The following CDC37L1 variants were observed in gnomAD, a reference collection of about 807,000 sequenced individuals.
CDC37L1 encodes the protein hsp90 co-chaperone Cdc37-like 1.
Under a neutral mutation model 45.9 loss-of-function variants are expected in CDC37L1, and 32 were observed. The observed-to-expected ratio is 0.70, with a 90% confidence interval of 0.53 to 0.94. The LOEUF (loss-of-function observed/expected upper bound fraction) is 0.94. CDC37L1 is among the 40% of genes least tolerant of loss of function. The pLI is 0.00. For missense variants in CDC37L1, 434 were observed against 405.7 expected, an observed-to-expected ratio of 1.07 and a Z score of -0.60; for synonymous variants, 150 against 133.0, an observed-to-expected ratio of 1.13 and a Z score of -0.88.
In CDC37L1 at chr9:4,697,765, T is replaced by C; in HGVS notation, c.633T>C (p.Ala211=). The change falls in exon 5 of 7, where the codon GCT becomes GCC. Residue 211 remains alanine, a synonymous_variant. Coordinates refer to ENST00000381854, the MANE Select transcript of CDC37L1 (RefSeq NM_017913.4). ...ATTTAAATCTTTTTCAGAAAGGGGC[T>C]TTAATGGAACAAATAGCACATCAAG... ...CFHLEAEKKG[A]LMEQIAHQAV... 1 of 1,491,816 alleles carries C rather than the reference T, an allele frequency of 6.7e-7. No individual in the cohort carries two copies. The highest frequency in any genetic ancestry group is 2.3e-5 in the East Asian group (1 of 44,050). The allele number at this position is 1,491,816 out of a possible 1,614,324, so 92.4% of individuals were successfully genotyped here. A position where few individuals can be genotyped will look rare whatever the true frequency, so the allele number is the denominator to read the frequency against.
At chr9:4,704,371 T>C (rs1237914044) in intron 6 of CDC37L1, among the ~76,000 whole-genome samples, 1 of 152,212 alleles carries the variant, frequency 6.6e-6, no homozygotes, top group African/African-American at 2.4e-5. Context: ...ATCATATGTG[T>C]TGAGAATGTT....
chr9:4,683,508 G>A (rs967243834), intron 1 of CDC37L1, among the ~76,000 whole-genome samples: 1 of 152,060 alleles, frequency 6.6e-6, no homozygotes, highest in African/African-American at 2.4e-5. Flanking sequence ...ATTGAAGTGA[G>A]GGACAAGGGT....
intron 3 of CDC37L1, among the ~76,000 whole-genome samples, chr9:4,692,373 G>A (rs1353300984): frequency 6.6e-6 from 1 of 151,646 alleles, no homozygotes; most frequent in East Asian, 1.9e-4. Context: ...GGGTTCAAGC[G>A]TTCCTGCTGC....
At chr9:4,690,210 A>G (rs541927169) in intron 3 of CDC37L1, among the ~76,000 whole-genome samples, 1 of 152,206 alleles carries the variant, frequency 6.6e-6, no homozygotes, top group Non-Finnish European at 1.5e-5. Flanking sequence ...GGGTCAAAAA[A>G]TAGTGTGGTA....
Position 4,697,153 on chromosome 9 carries a change from T to C in CDC37L1, c.566T>C (p.Val189Ala), listed in dbSNP as rs1194513508. Residue 189 changes from valine to alanine, a missense_variant, in exon 4 of 7, where the codon GTA becomes GCA. By Grantham distance (64) the Val-to-Ala change is moderately conservative (BLOSUM62 0). Coordinates refer to ENST00000381854, the MANE Select transcript of CDC37L1 (RefSeq NM_017913.4). The part of the protein sequence containing the change: ...QRFLSDHPYL[V>A]CEETAKYLIL... ...TTTTTGTCTGACCATCCATACCTTG[T>C]ATGTGAAGAAACTGCTAAATATCTT... The C allele has an allele frequency of 5.0e-6, 8 of 1,599,122 alleles. No homozygotes were observed. The highest frequency in any genetic ancestry group is 6.9e-6 in the Non-Finnish European group (8 of 1,166,936).
At position 4,707,433 on chromosome 9, in the gene CDC37L1, C is replaced by G. The variant is rs1477589421; in HGVS notation, c.*1321C>G. 1 of 152,192 alleles carries G rather than the reference C, an allele frequency of 6.6e-6. No individual in the cohort carries two copies. The highest frequency in any genetic ancestry group is 1.5e-5 in the Non-Finnish European group (1 of 68,060). The allele number at this position is 152,192 out of a possible 1,614,324, so 9.4% of individuals were successfully genotyped here. On this transcript the variant is annotated 3_prime_UTR_variant, in exon 7 of 7. Transcript: ENST00000381854. ...GCTAACTGGGACTGGGAATACGTGT[C>G]TCAACTTGAGAAACCAAATAGTGCG...
intron 1 of CDC37L1, among the ~76,000 whole-genome samples, chr9:4,680,106 C>T (rs1841175689): frequency 1.3e-5 from 2 of 152,182 alleles, no homozygotes; most frequent in Non-Finnish European, 2.9e-5. Flanking sequence ...ATATTACCAA[C>T]CTCCACCTCC....
At chr9:4,695,047 TG>T (rs1164469610) in intron 3 of CDC37L1, among the ~76,000 whole-genome samples, 1 of 152,200 alleles carries the variant, frequency 6.6e-6, no homozygotes, top group Non-Finnish European at 1.5e-5. Context: ...TGCTTTATCG[TG>T]GATGGTAGAT....
intron 5 of CDC37L1, among the ~76,000 whole-genome samples, chr9:4,701,043 ACT>A (rs1448389053): frequency 6.6e-6 from 1 of 152,158 alleles, no homozygotes; most frequent in Admixed American, 6.5e-5. Flanking sequence ...AGCACAGAAC[ACT>A]CTCTGCATTA....
intron 3 of CDC37L1, among the ~76,000 whole-genome samples, chr9:4,694,620 C>T (rs1006367530): frequency 6.6e-6 from 1 of 152,118 alleles, no homozygotes; most frequent in Non-Finnish European, 1.5e-5. Context: ...CACCTGCAAT[C>T]CCAGCACTTT....
Position 4,679,812 on chromosome 9 carries a change from G to A in CDC37L1, c.45G>A (p.Arg15=), listed in dbSNP as rs1219751076. The change falls in exon 1 of 7, where the codon CGG becomes CGA. Residue 15 remains arginine, a synonymous_variant. Transcript: ENST00000381854. The part of the protein sequence containing the change: ...WPPPGPWSLP[R]AEGEAEEESD... ...CTCCGGGACCCTGGAGCCTCCCTCG[G>A]GCCGAGGGTGAGGCTGAGGAAGAGA... is the stretch of plus-strand genomic sequence containing the variant. The A allele has an allele frequency of 1.2e-6, 2 of 1,613,890 alleles. No individual in the cohort carries two copies. The highest frequency in any genetic ancestry group is 1.7e-6 in the Non-Finnish European group (2 of 1,179,922).
At chr9:4,696,375 G>A (rs1391932012) in intron 3 of CDC37L1, among the ~76,000 whole-genome samples, 1 of 152,084 alleles carries the variant, frequency 6.6e-6, no homozygotes, top group Non-Finnish European at 1.5e-5. Context: ...CAGGCACAGT[G>A]GCTCATGCCC....
intron 3 of CDC37L1, among the ~76,000 whole-genome samples, chr9:4,696,518 A>T (rs1164220501): frequency 6.6e-6 from 1 of 152,078 alleles, no homozygotes; most frequent in African/African-American, 2.4e-5. Context: ...AAAAGAAAAA[A>T]ATCTATTCAG....
At chr9:4,696,408 C>A (rs1022531238) in intron 3 of CDC37L1, among the ~76,000 whole-genome samples, 2 of 151,964 alleles carry the variant, frequency 1.3e-5, no homozygotes, top group Non-Finnish European at 2.9e-5. Flanking sequence ...CTTTGGGAGG[C>A]CTAGCCAGGA....
At chr9:4,692,068 A>G (rs1218632510) in intron 3 of CDC37L1, among the ~76,000 whole-genome samples, 1 of 152,098 alleles carries the variant, frequency 6.6e-6, no homozygotes, top group Non-Finnish European at 1.5e-5. Flanking sequence ...GTCACTGGAA[A>G]TTTTACCAAG....
At chr9:4,684,470 G>A (rs1334887058) in intron 1 of CDC37L1, among the ~76,000 whole-genome samples, 1 of 152,112 alleles carries the variant, frequency 6.6e-6, no homozygotes, top group Non-Finnish European at 1.5e-5. Flanking sequence ...TTTTTTTGTA[G>A]TGAAGAATTT....
chr9:4,685,096 G>A lies in CDC37L1; in HGVS notation c.352G>A (p.Val118Ile). The change falls in exon 2 of 7, where the codon GTA (valine) becomes ATA (isoleucine). Residue 118 changes from valine (V) to isoleucine (I), a missense_variant. Coordinates refer to ENST00000381854, the MANE Select transcript of CDC37L1 (RefSeq NM_017913.4). ...EEWRQKEEAL[V>I]QREKMCLWST... The stretch of plus-strand genomic sequence containing the variant: ...GTGGCGACAGAAAGAAGAAGCTCTA[G>A]TACAAAGAGAGAAGATGTGTCTGTG... 1.2e-6 allele frequency: 2 copies of A among 1,613,740 alleles called. No homozygotes were observed. Among genetic ancestry groups the A allele is most frequent in the African/African-American group, 1.3e-5 (1 of 75,026 alleles).
chr9:4,695,012 A>G (rs1841334128), intron 3 of CDC37L1, among the ~76,000 whole-genome samples: 1 of 152,228 alleles, frequency 6.6e-6, no homozygotes, highest in South Asian at 2.1e-4. Context: ...CAATGCTGCC[A>G]TGAAGAAGTA....
intron 5 of CDC37L1, among the ~76,000 whole-genome samples, chr9:4,701,438 C>G (rs1387674180): frequency 6.6e-6 from 1 of 152,158 alleles, no homozygotes; most frequent in Non-Finnish European, 1.5e-5. Context: ...ATAGTGCCCC[C>G]TCATTAATTG....
Sources: allele counts gnomAD v4.1 joint callset (sites outside exome capture counted in the v4.1 genomes callset), GRCh38; gene constraint gnomAD v4.1.1; transcripts MANE v1.5; gene names NCBI Gene and HGNC (gene_info 2026-07-23, HGNC 2026-07-21).